Variants in EXOC6B observed in about 807,000 individuals in gnomAD.
EXOC6B encodes the protein SEC15 homolog B.
Under a neutral mutation model 113.5 loss-of-function variants are expected in EXOC6B, and 54 were observed. The observed-to-expected ratio is 0.48, with a 90% confidence interval of 0.38 to 0.60. EXOC6B has a LOEUF of 0.60. Ranked by LOEUF, EXOC6B falls within the 20% of genes least tolerant of loss-of-function variation. The pLI is 0.00. For missense variants in EXOC6B, 797 were observed against 977.5 expected (o/e 0.82, Z 2.46); for synonymous variants, 357 against 339.0 (o/e 1.05, Z -0.58).
chr2:72,522,420 C>CT (rs377232850), intron 8 of EXOC6B, among the ~76,000 whole-genome samples: 17 of 151,154 alleles, frequency 1.1e-4, no homozygotes, highest in African/African-American at 9.7e-5. Context: ...GAAATAGTTT[C>CT]TTTTTTTTTA....
intron 20 of EXOC6B, among the ~76,000 whole-genome samples, chr2:72,261,110 C>T (rs1683685969): frequency 6.6e-6 from 1 of 152,100 alleles, no homozygotes; most frequent in African/African-American, 2.4e-5. Flanking sequence ...CAAATGACCC[C>T]CAACTATTTA....
At chr2:72,251,741 G>A (rs763579751) in intron 20 of EXOC6B, among the ~76,000 whole-genome samples, 21 of 152,090 alleles carry the variant, frequency 1.4e-4, no homozygotes, top group Non-Finnish European at 2.6e-4. Context: ...CCTTGGTTCT[G>A]CCCTTTTGGA....
chr2:72,777,077 A>G (rs1573779535), intron 1 of EXOC6B, among the ~76,000 whole-genome samples: 1 of 151,976 alleles, frequency 6.6e-6, no homozygotes, highest in South Asian at 2.1e-4. Context: ...CCCATCTCTA[A>G]TAAAAATACA....
intron 6 of EXOC6B, among the ~76,000 whole-genome samples, chr2:72,652,190 G>GA (rs36120187): frequency 0.02 from 2,498 of 123,778 alleles, 80 homozygotes; most frequent in African/African-American, 0.066. Context: ...CCACAAATAA[G>GA]AAAAAAAAAA....
chr2:72,528,251 G>C lies in EXOC6B; in HGVS notation c.916-13125C>G, dbSNP rs188949816. Among the ~76,000 whole-genome samples, 667 of 152,142 alleles carry C rather than the reference G, an allele frequency of 4.4e-3. 40 individuals carry two copies. The highest frequency in any genetic ancestry group is 0.037 in the Admixed American group (567 of 15,290). The stretch of plus-strand genomic sequence containing the variant: ...ATAATAATTTCTGCATAAAATGGGA[G>C]GTTAGCTCAAAGTTCTATCACGCTC... On this transcript the variant is annotated intron_variant, in intron 8 of 21. Coordinates refer to ENST00000272427, the MANE Select transcript of EXOC6B (RefSeq NM_015189.3).
chr2:72,306,897 T>C (rs1290494391), intron 20 of EXOC6B, among the ~76,000 whole-genome samples: 2 of 152,232 alleles, frequency 1.3e-5, no homozygotes, highest in East Asian at 1.9e-4. Flanking sequence ...TTAAGATATT[T>C]GTATCTGTGT....
At chr2:72,822,003 ATTAAATT>A (rs1376313244) in intron 1 of EXOC6B, among the ~76,000 whole-genome samples, 2 of 152,214 alleles carry the variant, frequency 1.3e-5, no homozygotes, top group Non-Finnish European at 2.9e-5. Context: ...GTATTTCAAT[ATTAAATT>A]TTAAGTTTGA....
chr2:72,418,258 C>T lies in EXOC6B; in HGVS notation c.1981-38388G>A, dbSNP rs1431158453. Among the ~76,000 whole-genome samples, 4 of 152,168 alleles carry T rather than the reference C, an allele frequency of 2.6e-5. No homozygotes were observed. The South Asian group carries it at 6.2e-4, about 24-fold the overall frequency. The stretch of plus-strand genomic sequence containing the variant: ...TTAGTCATTCATATTCTCGTACAAA[C>T]ATCACCAACATCCATCTCCATAACA... On this transcript the variant is annotated intron_variant, in intron 18 of 21. Transcript: ENST00000272427.
chr2:72,261,359 C>T (rs1683703615), intron 20 of EXOC6B, among the ~76,000 whole-genome samples: 1 of 152,182 alleles, frequency 6.6e-6, no homozygotes, highest in Admixed American at 6.5e-5. Context: ...TATTCTCATA[C>T]TTATAATTTT....
chr2:72,275,703 T>C (rs1319474032), intron 20 of EXOC6B, among the ~76,000 whole-genome samples: 1 of 152,202 alleles, frequency 6.6e-6, no homozygotes, highest in Non-Finnish European at 1.5e-5. Flanking sequence ...TTCAGGTCTC[T>C]GGGTATTCAA....
intron 19 of EXOC6B, among the ~76,000 whole-genome samples, chr2:72,354,050 GA>G (rs780280711): frequency 6.6e-6 from 1 of 152,150 alleles, no homozygotes; most frequent in Non-Finnish European, 1.5e-5. Flanking sequence ...CATGTATCAG[GA>G]AAATGGTCTT....
chr2:72,624,223 C>A (rs1342167352), intron 6 of EXOC6B, among the ~76,000 whole-genome samples: 1 of 151,872 alleles, frequency 6.6e-6, no homozygotes, highest in Non-Finnish European at 1.5e-5. Flanking sequence ...CTCAAGTGAT[C>A]CGCCCATCAA....
intron 18 of EXOC6B, among the ~76,000 whole-genome samples, chr2:72,460,599 A>G (rs1697567406): frequency 6.6e-6 from 1 of 152,246 alleles, no homozygotes; most frequent in Non-Finnish European, 1.5e-5. Context: ...CAGAAAACAC[A>G]TGAAAAAATG....
At chr2:72,535,188 T>C (rs1702213376) in intron 8 of EXOC6B, among the ~76,000 whole-genome samples, 1 of 152,224 alleles carries the variant, frequency 6.6e-6, no homozygotes, top group East Asian at 1.9e-4. Flanking sequence ...GACCTCTTTT[T>C]TTAAGAAAGG....
At chr2:72,446,015 A>G (rs910030464) in intron 18 of EXOC6B, among the ~76,000 whole-genome samples, 9 of 152,230 alleles carry the variant, frequency 5.9e-5, no homozygotes, top group Non-Finnish European at 1.3e-4. Context: ...GAGGTTTCAG[A>G]GGAAAGGGAA....
At chr2:72,377,583 C>A (rs182760156) in intron 19 of EXOC6B, among the ~76,000 whole-genome samples, 3 of 152,148 alleles carry the variant, frequency 2.0e-5, no homozygotes, top group Admixed American at 6.5e-5. Context: ...CCTGGAGGAC[C>A]TAATGTTTAG....
Position 72,344,831 on chromosome 2 carries a change from GA to G in EXOC6B, c.2123-9812del, listed in dbSNP as rs936103043. 5.5e-4 allele frequency among the ~76,000 whole-genome samples: 83 copies of G among 151,726 alleles called. 1 individual carries two copies. Among genetic ancestry groups the G allele is most frequent in the African/African-American group, 7.7e-4 (32 of 41,372 alleles). On this transcript the variant is annotated intron_variant, in intron 19 of 21. Coordinates refer to ENST00000272427, the MANE Select transcript of EXOC6B (RefSeq NM_015189.3). ...AAAAAAAAATGAAGAGAAGTAGGGGGAAAAAAAAGCACAAGCCCTTTAAATC... is the reference window on the plus strand; with the variant it reads ...AAAAAAAAATGAAGAGAAGTAGGGGGAAAAAAAGCACAAGCCCTTTAAATC...
intron 6 of EXOC6B, among the ~76,000 whole-genome samples, chr2:72,687,639 G>A (rs1363869705): frequency 6.6e-6 from 1 of 152,032 alleles, no homozygotes. Flanking sequence ...GGGTATCTCT[G>A]GAAGGAAAGG....
chr2:72,372,701 C>T (rs1211825574), intron 19 of EXOC6B, among the ~76,000 whole-genome samples: 1 of 151,664 alleles, frequency 6.6e-6, no homozygotes, highest in Non-Finnish European at 1.5e-5. Context: ...AAAAGATAGG[C>T]GGGTATGGTG....
Sources: gnomAD v4.1 joint callset for allele counts (sites outside exome capture counted in the v4.1 genomes callset) on GRCh38, gnomAD v4.1.1 for gene constraint, MANE v1.5 for transcripts, NCBI Gene and HGNC (gene_info 2026-07-23, HGNC 2026-07-21) for gene names.